The following LRRC8D variants were observed in gnomAD, a reference collection of about 807,000 sequenced individuals.
The protein encoded by LRRC8D is leucine rich repeat containing 8 VRAC subunit D, also known as volume-regulated anion channel subunit LRRC8D.
In LRRC8D, 20 loss-of-function variants were observed where a neutral mutation model predicts 55.8. The observed-to-expected ratio is 0.36, with a 90% CI of 0.25 to 0.52. The LOEUF is 0.52. Among genes scored for constraint, LRRC8D ranks in the 20% least tolerant of loss-of-function variants. The probability of loss-of-function intolerance (pLI) is 0.93; values close to 1 mark genes in which losing one functional copy is unlikely to be tolerated. For missense variants in LRRC8D, 651 were observed against 1,030.8 expected, an observed-to-expected ratio of 0.63 and a Z score of 5.05; for synonymous variants, 352 against 377.0, an observed-to-expected ratio of 0.93 and a Z score of 0.77.
intron 2 of LRRC8D, among the ~76,000 whole-genome samples, chr1:89,916,914 C>T (rs980747604): frequency 2.0e-5 from 3 of 152,122 alleles, no homozygotes; most frequent in Non-Finnish European, 4.4e-5. Flanking sequence ...TGTACCTTGT[C>T]ACAGTGGGGT....
Position 89,935,041 on chromosome 1 carries a change from C to G in LRRC8D, c.1973C>G (p.Ser658Cys). 6.2e-7 allele frequency: 1 copy of G among 1,614,188 alleles called. No homozygotes were observed. Residue 658 changes from serine (S) to cysteine (C), a missense_variant, in exon 3 of 3, where the codon TCT becomes TGT. Physicochemically the swap from Ser to Cys is moderately radical, Grantham distance 112 (BLOSUM62 -1). Coordinates refer to ENST00000337338, the MANE Select transcript of LRRC8D (RefSeq NM_001134479.2). ...ATCCCACATGCTATTTTCAGCCTCTCTAATTTACAGGAACTGGATTTAAAG... is the reference window on the plus strand; with the variant it reads ...ATCCCACATGCTATTTTCAGCCTCTGTAATTTACAGGAACTGGATTTAAAG... ...ERIPHAIFSL[S>C]NLQELDLKSN...
chr1:89,916,065 G>C (rs1284236052), intron 2 of LRRC8D, among the ~76,000 whole-genome samples: 1 of 152,214 alleles, frequency 6.6e-6, no homozygotes, highest in Admixed American at 6.5e-5. Context: ...ATGAACTGCA[G>C]GCTGCTCAAT....
chr1:89,826,366 G>A (rs368035984), intron 1 of LRRC8D, among the ~76,000 whole-genome samples: 10 of 152,012 alleles, frequency 6.6e-5, no homozygotes, highest in African/African-American at 1.7e-4. Flanking sequence ...CCGGGTTCAC[G>A]CCATTCTCCT....
chr1:89,826,053 C>G (rs902115526), intron 1 of LRRC8D, among the ~76,000 whole-genome samples: 1 of 152,112 alleles, frequency 6.6e-6, no homozygotes, highest in Non-Finnish European at 1.5e-5. Flanking sequence ...CTCTTTATAT[C>G]CTCTGGAGAT....
At chr1:89,909,785 G>C (rs1220839410) in intron 2 of LRRC8D, among the ~76,000 whole-genome samples, 1 of 149,862 alleles carries the variant, frequency 6.7e-6, no homozygotes, top group Non-Finnish European at 1.5e-5. Context: ...AGAATGGCAT[G>C]AACCCAGGAG....
chr1:89,840,646 A>G (rs1174694327), intron 1 of LRRC8D, among the ~76,000 whole-genome samples: 1 of 152,218 alleles, frequency 6.6e-6, no homozygotes, highest in East Asian at 1.9e-4. Context: ...ACTCTCCTAT[A>G]TATCATTAAA....
intron 1 of LRRC8D, among the ~76,000 whole-genome samples, chr1:89,824,766 T>C (rs1163988179): frequency 1.3e-5 from 2 of 152,238 alleles, no homozygotes; most frequent in African/African-American, 4.8e-5. Context: ...TCTCAGTTTA[T>C]CGGCATCTCA....
chr1:89,855,479 C>T (rs1265570975), intron 2 of LRRC8D, among the ~76,000 whole-genome samples: 1 of 152,164 alleles, frequency 6.6e-6, no homozygotes, highest in Non-Finnish European at 1.5e-5. Flanking sequence ...GTAAATTAAG[C>T]CTCTAATCTT....
At chr1:89,892,720 C>T (rs999520815) in intron 2 of LRRC8D, among the ~76,000 whole-genome samples, 1 of 152,164 alleles carries the variant, frequency 6.6e-6, no homozygotes, top group Admixed American at 6.5e-5. Context: ...CGGAGTTTCA[C>T]TGTGTTAGCC....
chr1:89,889,822 G>A (rs1014258024), intron 2 of LRRC8D, among the ~76,000 whole-genome samples: 3 of 151,810 alleles, frequency 2.0e-5, no homozygotes, highest in African/African-American at 7.3e-5. Context: ...AGTCGAGGCT[G>A]CAGTGAGCCG....
intron 2 of LRRC8D, among the ~76,000 whole-genome samples, chr1:89,903,108 C>G (rs528658952): frequency 1.1e-3 from 163 of 152,316 alleles, no homozygotes; most frequent in Non-Finnish European, 2.0e-3. Context: ...ACACACCTGA[C>G]ATCACACAGC....
At chr1:89,852,854 G>A (rs1032017085) in intron 2 of LRRC8D, among the ~76,000 whole-genome samples, 1 of 152,190 alleles carries the variant, frequency 6.6e-6, no homozygotes, top group South Asian at 2.1e-4. Flanking sequence ...GGAGCCAAGC[G>A]ATGGTGGTAC....
intron 2 of LRRC8D, among the ~76,000 whole-genome samples, chr1:89,865,686 A>T (rs1661825222): frequency 6.6e-6 from 1 of 152,168 alleles, no homozygotes; most frequent in South Asian, 2.1e-4. Flanking sequence ...TCTGCCAGTG[A>T]ATAGTTCTTT....
At chr1:89,891,113 C>T (rs1367982638) in intron 2 of LRRC8D, among the ~76,000 whole-genome samples, 1 of 152,160 alleles carries the variant, frequency 6.6e-6, no homozygotes, top group Non-Finnish European at 1.5e-5. Context: ...ATCTCGTGAC[C>T]TTGTGATCCG....
chr1:89,891,284 T>G (rs1355602612), intron 2 of LRRC8D, among the ~76,000 whole-genome samples: 2 of 152,158 alleles, frequency 1.3e-5, no homozygotes, highest in African/African-American at 4.8e-5. Flanking sequence ...CATGATTAGA[T>G]TGGGGTTATG....
At chr1:89,921,729 G>A (rs573626128) in intron 2 of LRRC8D, among the ~76,000 whole-genome samples, 4 of 152,150 alleles carry the variant, frequency 2.6e-5, no homozygotes, top group African/African-American at 7.2e-5. Flanking sequence ...ATTTTTAGTA[G>A]AGTCATGGTT....
rs145535416 is a variant in LRRC8D at position 89,835,314 on chromosome 1, A to AT, written c.-147-8318dup. On this transcript the variant is annotated intron_variant, in intron 1 of 2. Coordinates refer to ENST00000337338, the MANE Select transcript of LRRC8D (RefSeq NM_001134479.2). ...TTTTGAGTTTGTCCCTGTATGGATG[A>AT]TTTTTTAAACCATGGGAGGGGGCCA... is the stretch of plus-strand genomic sequence containing the variant. Among the ~76,000 whole-genome samples the AT allele has an allele frequency of 6.8e-3, 1,037 of 152,264 alleles. 12 individuals are homozygous for AT. The highest frequency in any genetic ancestry group is 0.024 in the African/African-American group (987 of 41,556).
chr1:89,880,456 ATT>A (rs199892284), intron 2 of LRRC8D, among the ~76,000 whole-genome samples: 15 of 138,474 alleles, frequency 1.1e-4, no homozygotes, highest in African/African-American at 1.3e-4. Flanking sequence ...CCTAGGTTTG[ATT>A]TTTTTTTTTT....
intron 2 of LRRC8D, among the ~76,000 whole-genome samples, chr1:89,884,047 CCAG>C (rs1662346254): frequency 6.6e-6 from 1 of 152,166 alleles, no homozygotes; most frequent in Non-Finnish European, 1.5e-5. Context: ...AGAAAGCAAA[CCAG>C]CTAGGTTAGA....
Sources: allele counts gnomAD v4.1 joint callset (sites outside exome capture counted in the v4.1 genomes callset), GRCh38; gene constraint gnomAD v4.1.1; transcripts MANE v1.5; gene names NCBI Gene and HGNC (gene_info 2026-07-23, HGNC 2026-07-21).